ARHGEF7: variants seen among roughly 807,000 people sequenced by gnomAD.
The protein encoded by ARHGEF7 is Rho guanine nucleotide exchange factor 7, also known as PAK-interacting exchange factor beta.
Under a neutral mutation model 109.8 loss-of-function variants are expected in ARHGEF7, and 33 were observed. That is an observed-to-expected ratio of 0.30 (90% CI 0.23 to 0.40). The LOEUF is 0.40. Ranked by LOEUF, ARHGEF7 falls within the 10% of genes least tolerant of loss-of-function variation. The pLI, the probability that ARHGEF7 is intolerant of heterozygous loss-of-function variation, is 1.00. For missense variants in ARHGEF7, 938 were observed against 1,098.5 expected (o/e 0.85, Z 2.07); for synonymous variants, 458 against 424.6 (o/e 1.08, Z -0.97).
At position 111,298,577 on chromosome 13, in the gene ARHGEF7, TAG is replaced by T. The variant is rs371234632; in HGVS notation, c.2312-2167_2312-2166del. Among the ~76,000 whole-genome samples, 103 of 152,358 alleles carry T rather than the reference TAG, an allele frequency of 6.8e-4. 1 individual carries two copies. Among genetic ancestry groups the T allele is most frequent in the African/African-American group, 2.4e-3 (99 of 41,594 alleles). ...TCTCCGTCCTTGTCTCCTGGACCTG[TAG>T]AGATTCCTAGGGCTGATACTACCAG... On this transcript the variant is annotated intron_variant, in intron 19 of 21. Transcript: ENST00000646102.
intron 1 of ARHGEF7, among the ~76,000 whole-genome samples, chr13:111,138,161 A>C (rs1029394423): frequency 2.0e-5 from 3 of 152,096 alleles, no homozygotes; most frequent in Non-Finnish European, 4.4e-5. Flanking sequence ...TAAAAATACA[A>C]AATTAGCCTG....
At chr13:111,177,965 G>A (rs1484555445) in intron 2 of ARHGEF7, among the ~76,000 whole-genome samples, 2 of 152,180 alleles carry the variant, frequency 1.3e-5, no homozygotes, top group Non-Finnish European at 2.9e-5. Flanking sequence ...CCCTGGAATA[G>A]CTCACCTCCT....
intron 2 of ARHGEF7, among the ~76,000 whole-genome samples, chr13:111,178,019 C>T (rs1427994008): frequency 2.6e-5 from 4 of 152,208 alleles, no homozygotes; most frequent in African/African-American, 9.6e-5. Flanking sequence ...AGTGCCTGTC[C>T]TTTGACCTCC....
rs1279820039 is a variant in ARHGEF7, at chr13:111,272,771, A to G, written c.1074-1043A>G. On this transcript the variant is annotated intron_variant, in intron 9 of 21. Coordinates refer to ENST00000646102, the MANE Select transcript of ARHGEF7 (RefSeq NM_001354046.2). The surrounding 1 kb of genome is among the most constrained non-coding windows in gnomAD (Gnocchi z 5.2). ...GGGCTGTACACTGTCAGATGTGTGG[A>G]CTGATGGCACATGCAATTTGAGGGA... 6.6e-6 allele frequency among the ~76,000 whole-genome samples: 1 copy of G among 152,048 alleles called. No homozygotes were observed. Among genetic ancestry groups the G allele is most frequent in the Non-Finnish European group, 1.5e-5 (1 of 68,002 alleles).
At chr13:111,301,443 T>C in intron 20 of ARHGEF7, 35 bp from the exon 21 acceptor site, 2 of 1,595,188 alleles carry the variant, frequency 1.3e-6, no homozygotes, top group Non-Finnish European at 1.7e-6. Context: ...ATGCCTCACC[T>C]TGTTCATGTG....
Position 111,283,358 on chromosome 13 carries a change from A to G in ARHGEF7, c.1945A>G (p.Lys649Glu). ...PLRPSAALCYKEDLSKSPKTM... is the reference protein window; with the variant it reads ...PLRPSAALCYEEDLSKSPKTM... The stretch of plus-strand genomic sequence containing the variant: ...CCGGCCCTCAGCTGCTCTCTGCTAC[A>G]AGGAGGTGAGGTCCCTTGACCACTC... The change falls in exon 16 of 22, where the codon AAG (lysine) becomes GAG (glutamate). Residue 649 changes from lysine to glutamate, a missense_variant. By Grantham distance (56) the Lys-to-Glu change is moderately conservative. Coordinates refer to ENST00000646102, the MANE Select transcript of ARHGEF7 (RefSeq NM_001354046.2). The G allele has an allele frequency of 6.5e-7, 1 of 1,543,786 alleles. No homozygotes were observed. The highest frequency in any genetic ancestry group is 8.7e-7 in the Non-Finnish European group (1 of 1,148,506).
chr13:111,281,693 G>T (rs1485444575), intron 15 of ARHGEF7, among the ~76,000 whole-genome samples: 1 of 152,182 alleles, frequency 6.6e-6, no homozygotes. Flanking sequence ...TGGATGAGCT[G>T]CTTCACTCAG....
chr13:111,186,889 A>C (rs546069663), intron 2 of ARHGEF7: 1 of 985,434 alleles, frequency 1.0e-6, no homozygotes, highest in African/African-American at 1.7e-5. Context: ...AAAGACGACT[A>C]CTTCTTTCCC....
In ARHGEF7 at chr13:111,233,248, C is replaced by G. The variant is rs147093060; in HGVS notation, c.714C>G (p.Pro238=). 1 of 1,614,080 alleles carries G rather than the reference C, an allele frequency of 6.2e-7. No individual in the cohort carries two copies. The highest frequency in any genetic ancestry group is 2.2e-5 in the East Asian group (1 of 44,880). The change falls in exon 6 of 22, where the codon CCC becomes CCG. Residue 238 remains proline, a synonymous_variant. Transcript: ENST00000646102. ...AATCAGGAACACTGAAGAGCCCTCC[C>G]AAAGGATTTGATACGACTGCCATAA... is the stretch of plus-strand genomic sequence containing the variant. ...SPKSGTLKSP[P]KGFDTTAINK...
At chr13:111,153,537 A>G (rs918748467) in intron 1 of ARHGEF7, 17 of 801,078 alleles carry the variant, frequency 2.1e-5, no homozygotes, top group Non-Finnish European at 2.2e-5. Flanking sequence ...GGGCCAGAGG[A>G]GGTGGCAGCT....
intron 12 of ARHGEF7, 47 bp downstream of exon 12, chr13:111,275,725 G>A: frequency 1.9e-6 from 3 of 1,611,486 alleles, no homozygotes; most frequent in South Asian, 2.2e-5. Flanking sequence ...CCCACTCTTA[G>A]GAGCTCATAG....
chr13:111,162,307 A>G (rs963740096), intron 2 of ARHGEF7, among the ~76,000 whole-genome samples: 5 of 152,240 alleles, frequency 3.3e-5, no homozygotes, highest in Non-Finnish European at 5.9e-5. Flanking sequence ...ACTAAAATAA[A>G]TGTAAGTCAG....
intron 8 of ARHGEF7, among the ~76,000 whole-genome samples, chr13:111,263,126 T>C (rs1224363104): frequency 3.3e-5 from 5 of 152,226 alleles, no homozygotes; most frequent in African/African-American, 1.2e-4. Flanking sequence ...AATTCAGGTG[T>C]CTAGGCAGCG....
intron 1 of ARHGEF7, chr13:111,144,855 C>G (rs2075510708): frequency 6.6e-6 from 1 of 152,130 alleles, no homozygotes; most frequent in East Asian, 1.9e-4. Context: ...TTTAATAATA[C>G]TTGCACATGG....
Position 111,280,592 on chromosome 13 carries a change from A to G in ARHGEF7, c.1640A>G (p.Glu547Gly). ...TGCAACAACCAGCAGGATCTGCAGG[A>G]ATGGGTGGAGCACCTACAGAAGCAA... ...VSCNNQQDLQ[E>G]WVEHLQKQTK... The change falls in exon 15 of 22, where the codon GAA becomes GGA. Residue 547 changes from glutamate to glycine, a missense_variant. Coordinates refer to ENST00000646102, the MANE Select transcript of ARHGEF7 (RefSeq NM_001354046.2). The G allele has an allele frequency of 6.2e-7, 1 of 1,613,238 alleles. No homozygotes were observed. Among genetic ancestry groups the G allele is most frequent in the South Asian group, 1.1e-5 (1 of 90,848 alleles).
chr13:111,194,767 A>G (rs903375038), intron 2 of ARHGEF7, among the ~76,000 whole-genome samples: 21 of 152,116 alleles, frequency 1.4e-4, no homozygotes, highest in African/African-American at 5.1e-4. Context: ...CTATCCCTAA[A>G]CCCTTGGGCC....
intron 8 of ARHGEF7, among the ~76,000 whole-genome samples, chr13:111,251,851 A>G (rs1252024074): frequency 6.6e-6 from 1 of 152,246 alleles, no homozygotes; most frequent in African/African-American, 2.4e-5. Flanking sequence ...CACCACCTTC[A>G]CATACACTCA....
intron 1 of ARHGEF7, among the ~76,000 whole-genome samples, chr13:111,123,861 C>T (rs1282221296): frequency 1.3e-4 from 4 of 29,652 alleles, no homozygotes; most frequent in East Asian, 1.3e-3. Context: ...TGGTGGGCTG[C>T]GCCCCCCCCC....
intron 5 of ARHGEF7, among the ~76,000 whole-genome samples, chr13:111,220,956 A>G (rs2083766935): frequency 6.6e-6 from 1 of 150,676 alleles, no homozygotes; most frequent in South Asian, 2.1e-4. Flanking sequence ...TTAGTTATAT[A>G]TATAGATATA....
Sources: allele counts gnomAD v4.1 joint callset (sites outside exome capture counted in the v4.1 genomes callset), GRCh38; gene constraint gnomAD v4.1.1; non-coding constraint Gnocchi (gnomAD v3.1); transcripts MANE v1.5; gene names NCBI Gene and HGNC (gene_info 2026-07-23, HGNC 2026-07-21).